Variants in TEX261 observed in about 807,000 individuals in gnomAD.
TEX261 encodes protein TEX261.
Under a neutral mutation model 25.1 loss-of-function variants are expected in TEX261, and 13 were observed. The ratio of observed to expected loss-of-function variants is 0.52; its 90% CI spans 0.34 to 0.82. The LOEUF (loss-of-function observed/expected upper bound fraction) is 0.82. Ranked by LOEUF, TEX261 falls within the 40% of genes least tolerant of loss-of-function variation. The probability of loss-of-function intolerance (pLI) is 0.02; values close to 1 mark genes in which losing one functional copy is unlikely to be tolerated. For missense variants in TEX261, 206 were observed against 243.2 expected (o/e 0.85, Z 1.02); for synonymous variants, 92 against 97.8 (o/e 0.94, Z 0.35).
intron 2 of TEX261, among the ~76,000 whole-genome samples, chr2:70,992,709 A>G (rs1268753626): frequency 9.9e-5 from 15 of 151,884 alleles, no homozygotes; most frequent in African/African-American, 3.6e-4. Flanking sequence ...AGCCTGGGTA[A>G]TAAGAGCGAA....
In TEX261 at chr2:70,994,864, C is replaced by A; in HGVS notation, c.-107G>T. ...CCGCCGCCGCCGCGTCCCCGCCCCG[C>A]GGACGACAGGACGACGGTGCGCCGC... On this transcript the variant is annotated 5_prime_UTR_variant, in exon 1 of 6. Coordinates refer to ENST00000272438, the MANE Select transcript of TEX261 (RefSeq NM_144582.3). The A allele has an allele frequency of 1.7e-6, 2 of 1,207,940 alleles. No homozygotes were observed. Among genetic ancestry groups the A allele is most frequent in the Non-Finnish European group, 2.1e-6 (2 of 967,066 alleles). 74.8% of individuals were successfully genotyped at this position (1,207,940 alleles called of 1,614,324 possible).
rs535223607 is a variant in TEX261 at position 70,986,765 on chromosome 2, G to A, written c.*1835C>T. Reference sequence around the variant, plus strand: ...TGTGGTTCAGGTGATCAGGAAGGATGTTGGGGCTGGAGGTCAACTCTAAAT... The same window carrying A: ...TGTGGTTCAGGTGATCAGGAAGGATATTGGGGCTGGAGGTCAACTCTAAAT... On this transcript the variant is annotated 3_prime_UTR_variant, in exon 6 of 6. Coordinates refer to ENST00000272438, the MANE Select transcript of TEX261 (RefSeq NM_144582.3). 1.1e-4 allele frequency: 17 copies of A among 152,672 alleles called. No individual in the cohort carries two copies. The highest frequency in any genetic ancestry group is 3.9e-4 in the African/African-American group (16 of 41,534). 9.5% of individuals were successfully genotyped at this position (152,672 alleles called of 1,614,324 possible).
chr2:70,989,443 T>G (rs1336963010), intron 4 of TEX261: 1 of 429,510 alleles, frequency 2.3e-6, no homozygotes, highest in Admixed American at 3.7e-5. Context: ...AGTCCATCCC[T>G]GCCCTGTGAG....
intron 2 of TEX261, 67 bp from the exon 3 acceptor site, chr2:70,992,050 C>T: frequency 6.8e-7 from 1 of 1,467,730 alleles, no homozygotes; most frequent in Non-Finnish European, 9.1e-7. Context: ...CTCACCAACC[C>T]CCAGCCCGCT....
intron 2 of TEX261, among the ~76,000 whole-genome samples, chr2:70,992,862 A>G (rs1398429023): frequency 6.6e-6 from 1 of 152,206 alleles, no homozygotes; most frequent in African/African-American, 2.4e-5. Flanking sequence ...GTGACCTACT[A>G]TACAGCCAAA....
Position 70,988,526 on chromosome 2 carries a change from G to T in TEX261, c.*74C>A. The T allele has an allele frequency of 8.2e-7, 1 of 1,223,990 alleles. No homozygotes were observed. The highest frequency in any genetic ancestry group is 1.2e-6 in the Non-Finnish European group (1 of 828,976). The allele number at this position is 1,223,990 out of a possible 1,614,324, so 75.8% of individuals were successfully genotyped here. A position where few individuals can be genotyped will look rare whatever the true frequency, so the allele number is the denominator to read the frequency against. The stretch of plus-strand genomic sequence containing the variant: ...GGTGGTAGGTGCCTTCCCGACTTCT[G>T]GTCCCCACCTGGCATAGAGGCCCAG... On this transcript the variant is annotated 3_prime_UTR_variant, in exon 6 of 6. Coordinates refer to ENST00000272438, the MANE Select transcript of TEX261 (RefSeq NM_144582.3).
At chr2:70,993,506 G>A (rs1572943045) in intron 2 of TEX261, among the ~76,000 whole-genome samples, 190 bp downstream of exon 2, 2 of 152,184 alleles carry the variant, frequency 1.3e-5, no homozygotes, top group African/African-American at 4.8e-5. Context: ...ACTTGGGGAA[G>A]GCGGCCAGGG....
At chr2:70,988,810 G>A (rs1293270551) in intron 5 of TEX261, 95 bp from the exon 6 acceptor site, 16 of 1,516,804 alleles carry the variant, frequency 1.1e-5, no homozygotes, top group Non-Finnish European at 1.5e-5. Flanking sequence ...CCCGAGTCCA[G>A]GTGTCTCCAA....
chr2:70,993,166 C>T (rs1225654896), intron 2 of TEX261, among the ~76,000 whole-genome samples: 1 of 152,228 alleles, frequency 6.6e-6, no homozygotes, highest in East Asian at 1.9e-4. Context: ...GAAGTCTGTC[C>T]ACCAGCAGTC....
chr2:70,989,243 C>T (rs573093887), intron 4 of TEX261: 37 of 582,332 alleles, frequency 6.4e-5, no homozygotes, highest in Non-Finnish European at 8.9e-5. Flanking sequence ...ATATCTTGGT[C>T]GCTAGGACAA....
In TEX261 at chr2:70,994,835, G is replaced by GCCC. The variant is rs1558695297; in HGVS notation, c.-79_-78insGGG. The stretch of plus-strand genomic sequence containing the variant: ...GCTCCGGCGACACACAGCCGCCACC[G>GCCC]CCGCCGCCGCCGCCGCGTCCCCGCC... On this transcript the variant is annotated 5_prime_UTR_variant, in exon 1 of 6. Transcript: ENST00000272438. The GCCC allele has an allele frequency of 2.7e-6, 3 of 1,098,588 alleles. No homozygotes were observed. The highest frequency in any genetic ancestry group is 1.8e-5 in the African/African-American group (1 of 54,110). The allele number at this position is 1,098,588 out of a possible 1,614,324, so 68.1% of individuals were successfully genotyped here. A position where few individuals can be genotyped will look rare whatever the true frequency, so the allele number is the denominator to read the frequency against.
chr2:70,994,825 A>AGCC lies in TEX261; in HGVS notation c.-71_-69dup, dbSNP rs1215869831. ...GCGCGCTTCGGCTCCGGCGACACAC[A>AGCC]GCCGCCACCGCCGCCGCCGCCGCCG... is the stretch of plus-strand genomic sequence containing the variant. On this transcript the variant is annotated 5_prime_UTR_variant, in exon 1 of 6. Transcript: ENST00000272438. 1.1e-5 allele frequency: 14 copies of AGCC among 1,309,866 alleles called. 1 individual carries two copies. The African/African-American group carries it at 1.7e-4, about 16-fold the overall frequency. 81.1% of individuals were successfully genotyped at this position (1,309,866 alleles called of 1,614,324 possible).
chr2:70,992,061 C>G (rs1449917533), intron 2 of TEX261, 78 bp from the exon 3 acceptor site: 1 of 1,394,480 alleles, frequency 7.2e-7, no homozygotes, highest in Non-Finnish European at 9.5e-7. Flanking sequence ...CCAGCCCGCT[C>G]TGGGCAGCAC....
Position 70,988,969 on chromosome 2 carries a change from A to C in TEX261, c.421T>G (p.Phe141Val). The C allele has an allele frequency of 1.2e-6, 2 of 1,614,154 alleles. No homozygotes were observed. ...FCLWIIPFAF[F>V]VSLSAGENVL... ...TTCTCCCCGGCCGAAAGTGACACAA[A>C]AAACGCAAACGGAATTATCCACAGG... The change falls in exon 5 of 6, where the codon TTT (phenylalanine) becomes GTT (valine). Residue 141 changes from phenylalanine (F) to valine (V), a missense_variant. Phe to Val is a conservative substitution (Grantham distance 50, BLOSUM62 -1). Coordinates refer to ENST00000272438, the MANE Select transcript of TEX261 (RefSeq NM_144582.3).
chr2:70,989,773 T>C lies in TEX261; in HGVS notation c.348A>G (p.Ala116=), dbSNP rs1670266945. The C allele has an allele frequency of 2.5e-6, 4 of 1,613,222 alleles. No individual in the cohort carries two copies. Among genetic ancestry groups the C allele is most frequent in the Middle Eastern group, 1.7e-4 (1 of 6,060 alleles). ...VNHYLAFQFF[A]EEYYPFSEVL... ...CCTCTGAGAAGGGATAATATTCTTC[T>C]GCAAAAAACTGAAATGCTAGGTAAT... The change falls in exon 4 of 6, where the codon GCA becomes GCG. Residue 116 remains alanine (A), a synonymous_variant. Transcript: ENST00000272438.
Position 70,988,542 on chromosome 2 carries a change from A to G in TEX261, c.*58T>C, listed in dbSNP as rs782302167. On this transcript the variant is annotated 3_prime_UTR_variant, in exon 6 of 6. Coordinates refer to ENST00000272438, the MANE Select transcript of TEX261 (RefSeq NM_144582.3). ...CCGACTTCTGGTCCCCACCTGGCAT[A>G]GAGGCCCAGGGGCCTGACTCTCCTG... 16 of 1,379,820 alleles carry G rather than the reference A, an allele frequency of 1.2e-5. No homozygotes were observed. Among genetic ancestry groups the G allele is most frequent in the Non-Finnish European group, 1.4e-5 (14 of 968,100 alleles). 85.5% of individuals were successfully genotyped at this position (1,379,820 alleles called of 1,614,324 possible). A position where few individuals can be genotyped will look rare whatever the true frequency, so the allele number is the denominator to read the frequency against.
At position 70,991,949 on chromosome 2, in the gene TEX261, A is replaced by G. The variant is rs1553425677; in HGVS notation, c.185T>C (p.Phe62Ser). 6.2e-7 allele frequency: 1 copy of G among 1,612,524 alleles called. No homozygotes were observed. The highest frequency in any genetic ancestry group is 2.2e-5 in the East Asian group (1 of 44,856). ...AATCATGCTGGTGGGGAAGCGCTCA[A>G]AGACGTAGAGGCCAATCAGTACAGC... ...STAVLIGLYV[F>S]ERFPTSMIGV... The change falls in exon 3 of 6, where the codon TTT (phenylalanine) becomes TCT (serine). Residue 62 changes from phenylalanine (F) to serine (S), a missense_variant. Phe to Ser is a radical substitution (Grantham distance 155). Transcript: ENST00000272438.
Position 70,992,323 on chromosome 2 carries a change from C to T in TEX261, c.151-340G>A, listed in dbSNP as rs1334658723. 2.0e-5 allele frequency among the ~76,000 whole-genome samples: 3 copies of T among 152,134 alleles called. No individual in the cohort carries two copies. In the East Asian group the frequency reaches 5.8e-4, roughly 29 times the overall value. On this transcript the variant is annotated intron_variant, in intron 2 of 5. Transcript: ENST00000272438. ...GTCTTTAGTAGAGACAGGGTTTTGC[C>T]ATGTTGGCCAGGCTGGTCTCAAACT...
chr2:70,991,520 GGCTGGAACT>G (rs1670298367), intron 3 of TEX261, among the ~76,000 whole-genome samples: 1 of 152,160 alleles, frequency 6.6e-6, no homozygotes, highest in Admixed American at 6.5e-5. Context: ...GTTTTTTTGA[GGCTGGAACT>G]GCTCAGTTGG....
Sources: allele counts gnomAD v4.1 joint callset (sites outside exome capture counted in the v4.1 genomes callset), GRCh38; gene constraint gnomAD v4.1.1; transcripts MANE v1.5; gene names NCBI Gene and HGNC (gene_info 2026-07-23, HGNC 2026-07-21).